The following ANKRD30A variants were observed in gnomAD, a reference collection of about 807,000 sequenced individuals.
The protein encoded by ANKRD30A is ankyrin repeat domain-containing protein 30A.
In ANKRD30A, 170 loss-of-function variants were observed where a neutral mutation model predicts 166.3. The ratio of observed to expected loss-of-function variants is 1.02; its 90% CI spans 0.90 to 1.16. ANKRD30A has a LOEUF of 1.16. ANKRD30A is among the 50% of genes most tolerant of loss of function. ANKRD30A has a pLI of 0.00. For synonymous variants in ANKRD30A, 564 were observed against 508.9 expected (o/e 1.11, Z -1.46); for missense variants, 1,630 against 1,518.0 (o/e 1.07, Z -1.23).
the ANKRD30A span, among the ~76,000 whole-genome samples, chr10:37,239,632 C>A: frequency 6.6e-6 from 1 of 152,046 alleles, no homozygotes; most frequent in African/African-American, 2.4e-5. Flanking sequence ...GAAATGCATT[C>A]ATTGCAAAAT....
intron 18 of ANKRD30A, among the ~76,000 whole-genome samples, chr10:37,166,110 C>T (rs956649355): frequency 2.0e-5 from 3 of 152,110 alleles, no homozygotes; most frequent in African/African-American, 7.2e-5. Context: ...TTTTCAAATT[C>T]TGTACATACA....
Position 37,142,350 on chromosome 10 carries a change from A to C in ANKRD30A, c.1393+60A>C. On this transcript the variant is annotated intron_variant, in intron 7 of 35. Coordinates refer to ENST00000361713, the MANE Select transcript of ANKRD30A (RefSeq NM_052997.3). ...GGCACTTCAGGTTCCCTAGTGAAAAAAGTGTGATATGGGAGTAGTTGGGAA... is the reference window on the plus strand; with the variant it reads ...GGCACTTCAGGTTCCCTAGTGAAAACAGTGTGATATGGGAGTAGTTGGGAA... 5 of 1,468,860 alleles carry C rather than the reference A, an allele frequency of 3.4e-6. No homozygotes were observed. In the South Asian group the frequency reaches 6.9e-5, roughly 20 times the overall value. The allele number at this position is 1,468,860 out of a possible 1,614,324, so 91.0% of individuals were successfully genotyped here. A position where few individuals can be genotyped will look rare whatever the true frequency, so the allele number is the denominator to read the frequency against.
chr10:37,236,011 G>A (rs542975912), downstream of ANKRD30A, among the ~76,000 whole-genome samples: 91 of 152,094 alleles, frequency 6.0e-4, no homozygotes, highest in Middle Eastern at 3.4e-3. Flanking sequence ...CTCGTGATCT[G>A]CCTGCCTCGG....
At chr10:37,238,560 C>T in the ANKRD30A span, among the ~76,000 whole-genome samples, 16 of 152,064 alleles carry the variant, frequency 1.1e-4, no homozygotes, top group Non-Finnish European at 2.1e-4. Context: ...CATATTTCTT[C>T]AGTACAAAAT....
At chr10:37,210,271 G>C (rs1197676165) in intron 31 of ANKRD30A, among the ~76,000 whole-genome samples, 1 of 152,130 alleles carries the variant, frequency 6.6e-6, no homozygotes, top group Non-Finnish European at 1.5e-5. Flanking sequence ...CTTCATCCAT[G>C]TCCCTGCAAA....
At chr10:37,218,866 T>G (rs1588948069) in intron 33 of ANKRD30A, 114 bp from the exon 34 acceptor site, 1 of 699,716 alleles carries the variant, frequency 1.4e-6, no homozygotes, top group Non-Finnish European at 2.3e-6. Context: ...AACTGATACC[T>G]ACTTATAAAA....
intron 4 of ANKRD30A, among the ~76,000 whole-genome samples, chr10:37,132,713 A>G (rs147798162): frequency 0.011 from 1,700 of 152,288 alleles, 17 homozygotes; most frequent in Non-Finnish European, 0.017. Flanking sequence ...AAAATGCAAT[A>G]TTTGCTGGGC....
intron 27 of ANKRD30A, among the ~76,000 whole-genome samples, chr10:37,195,593 A>G (rs559633747): frequency 6.6e-6 from 1 of 152,172 alleles, no homozygotes; most frequent in Admixed American, 6.6e-5. Context: ...ATAGTTACAC[A>G]TATTTATTTA....
chr10:37,204,832 A>G (rs1841883710), intron 31 of ANKRD30A, among the ~76,000 whole-genome samples: 2 of 152,254 alleles, frequency 1.3e-5, no homozygotes, highest in South Asian at 4.1e-4. Flanking sequence ...TATGCAGACA[A>G]CAGACACATG....
chr10:37,250,713 A>G, the ANKRD30A span, among the ~76,000 whole-genome samples: 1 of 152,168 alleles, frequency 6.6e-6, no homozygotes, highest in African/African-American at 2.4e-5. Flanking sequence ...GCCATGTGAG[A>G]TATAGCAAGA....
chr10:37,257,051 A>G, the ANKRD30A span, among the ~76,000 whole-genome samples: 1 of 151,942 alleles, frequency 6.6e-6, no homozygotes, highest in African/African-American at 2.4e-5. Context: ...GTAGGCTATT[A>G]AATACTGGTT....
chr10:37,171,484 A>G (rs1206426558), intron 21 of ANKRD30A, among the ~76,000 whole-genome samples: 1 of 151,290 alleles, frequency 6.6e-6, no homozygotes, highest in Non-Finnish European at 1.5e-5. Context: ...AGTCTGAAAA[A>G]TTTTAGTTTA....
At chr10:37,217,320 T>C (rs1317038876) in intron 32 of ANKRD30A, among the ~76,000 whole-genome samples, 1 of 151,012 alleles carries the variant, frequency 6.6e-6, no homozygotes, top group African/African-American at 2.4e-5. Flanking sequence ...TTAACTTTAA[T>C]CAGTCACTTT....
At chr10:37,215,937 T>C (rs1482513577) in intron 31 of ANKRD30A, among the ~76,000 whole-genome samples, 1 of 151,388 alleles carries the variant, frequency 6.6e-6, no homozygotes, top group Admixed American at 6.6e-5. Flanking sequence ...TCTGTTTTCT[T>C]ACAGTATCTA....
chr10:37,133,060 G>C (rs12246780), intron 4 of ANKRD30A, among the ~76,000 whole-genome samples: 2,176 of 152,052 alleles, frequency 0.014, 42 homozygotes, highest in African/African-American at 0.049. Context: ...TTGTCTTTAG[G>C]ATGACTGTTT....
At chr10:37,194,361 G>C (rs1221624667) in intron 27 of ANKRD30A, among the ~76,000 whole-genome samples, 6 of 150,832 alleles carry the variant, frequency 4.0e-5, no homozygotes, top group Admixed American at 3.3e-4. Context: ...GTTTTGTTTT[G>C]TTTTTGTTTT....
chr10:37,131,422 G>A (rs954335125), intron 3 of ANKRD30A, among the ~76,000 whole-genome samples: 5 of 152,126 alleles, frequency 3.3e-5, no homozygotes, highest in Non-Finnish European at 5.9e-5. Context: ...ATTTCTAATA[G>A]CTGAGATAAA....
chr10:37,265,092 AAC>A, the ANKRD30A span, among the ~76,000 whole-genome samples: 1 of 152,164 alleles, frequency 6.6e-6, no homozygotes, highest in South Asian at 2.1e-4. Flanking sequence ...CAGCTCTATG[AAC>A]CAGCATCTCT....
intron 31 of ANKRD30A, among the ~76,000 whole-genome samples, chr10:37,204,552 G>C (rs1013409431): frequency 5.3e-5 from 8 of 152,116 alleles, no homozygotes; most frequent in Admixed American, 2.0e-4. Context: ...CAGGACAAAG[G>C]CATGGGCAAA....
Sources: gnomAD v4.1 joint callset for allele counts (sites outside exome capture counted in the v4.1 genomes callset) on GRCh38, gnomAD v4.1.1 for gene constraint, MANE v1.5 for transcripts, NCBI Gene and HGNC (gene_info 2026-07-23, HGNC 2026-07-21) for gene names.